The following DTNBP1 variants were observed in gnomAD, a reference collection of about 807,000 sequenced individuals.
DTNBP1 encodes the protein dystrobrevin binding protein 1.
DTNBP1 carries 35 observed loss-of-function variants against 42.8 expected under a neutral mutation model. That is an observed-to-expected ratio of 0.82 (90% confidence interval 0.63 to 1.09). DTNBP1 has a LOEUF of 1.09. Ranked by LOEUF, DTNBP1 falls within the 50% of genes least tolerant of loss-of-function variation. The pLI, the probability that DTNBP1 is intolerant of heterozygous loss-of-function variation, is 0.00. For missense variants in DTNBP1, 457 were observed against 424.2 expected, an observed-to-expected ratio of 1.08 and a Z score of -0.68; for synonymous variants, 171 against 162.2, an observed-to-expected ratio of 1.05 and a Z score of -0.41.
chr6:15,647,949 T>C lies in DTNBP1; in HGVS notation c.161+3364A>G, dbSNP rs1261116855. Among the ~76,000 whole-genome samples, 8 of 152,032 alleles carry C rather than the reference T, an allele frequency of 5.3e-5. No homozygotes were observed. In the East Asian group the frequency reaches 1.5e-3, roughly 29 times the overall value. On this transcript the variant is annotated intron_variant, in intron 3 of 9. Transcript: ENST00000344537. The stretch of plus-strand genomic sequence containing the variant: ...TACCCTGATACCAAAGCCAAAGGCA[T>C]ACAAGAAAAGGAAACTACAGACCAA...
rs771203317 is a variant in DTNBP1 at position 15,615,323 on chromosome 6, T to C, written c.432A>G (p.Leu144=). The stretch of plus-strand genomic sequence containing the variant: ...GGGACTGCATATGTTTGCATCTTTC[T>C]AATTCACACTGCCCACATAAGTCTT... ...HLEDLCGQCE[L]ERCKHMQSQQ... is the part of the protein sequence containing the mutation. The change falls in exon 6 of 10, where the codon TTA becomes TTG. Residue 144 remains leucine, a synonymous_variant. Coordinates refer to ENST00000344537, the MANE Select transcript of DTNBP1 (RefSeq NM_032122.5). 2.5e-6 allele frequency: 4 copies of C among 1,614,166 alleles called. No individual in the cohort carries two copies. The highest frequency in any genetic ancestry group is 1.6e-4 in the Middle Eastern group (1 of 6,062).
intron 1 of DTNBP1, among the ~76,000 whole-genome samples, chr6:15,662,447 T>A (rs1446662498): frequency 1.3e-5 from 2 of 152,188 alleles, no homozygotes; most frequent in Non-Finnish European, 2.9e-5. Context: ...CGCAGGCCAC[T>A]GTGCCGCGGG....
intron 6 of DTNBP1, among the ~76,000 whole-genome samples, chr6:15,614,148 A>T (rs1758586461): frequency 6.6e-6 from 1 of 152,092 alleles, no homozygotes; most frequent in South Asian, 2.1e-4. Flanking sequence ...ACTCATTTCT[A>T]TTCATTTCTG....
intron 6 of DTNBP1, 33 bp downstream of exon 6, chr6:15,615,234 G>A: frequency 6.2e-7 from 1 of 1,614,072 alleles, no homozygotes; most frequent in East Asian, 2.2e-5. Flanking sequence ...TTCGAGACTG[G>A]AATGAATACT....
chr6:15,603,649 C>T (rs1776816125), intron 6 of DTNBP1, among the ~76,000 whole-genome samples: 1 of 152,268 alleles, frequency 6.6e-6, no homozygotes, highest in Admixed American at 6.5e-5. Flanking sequence ...GTTTGTTATA[C>T]AGTTAATTTA....
intron 7 of DTNBP1, among the ~76,000 whole-genome samples, chr6:15,579,451 T>C (rs1775725209): frequency 6.6e-6 from 1 of 152,258 alleles, no homozygotes; most frequent in Admixed American, 6.5e-5. Context: ...AACAAGTTCC[T>C]GTGTTCTATA....
rs1247145393 is a variant in DTNBP1 at position 15,522,891 on chromosome 6, T to C, written c.*84A>G. On this transcript the variant is annotated 3_prime_UTR_variant, in exon 10 of 10. Transcript: ENST00000344537. ...ATTATGTAAAAATCAAGAACCTCTA[T>C]AAAACAACCTGGCTTTCCAGGTGGA... is the stretch of plus-strand genomic sequence containing the variant. 1 of 1,611,992 alleles carries C rather than the reference T, an allele frequency of 6.2e-7. No homozygotes were observed. Among genetic ancestry groups the C allele is most frequent in the African/African-American group, 1.3e-5 (1 of 74,904 alleles).
intron 6 of DTNBP1, among the ~76,000 whole-genome samples, chr6:15,613,559 G>A (rs1311423447): frequency 1.3e-5 from 2 of 151,634 alleles, no homozygotes; most frequent in African/African-American, 4.8e-5. Flanking sequence ...GTAGAGACAG[G>A]GTTTCACCGT....
In DTNBP1 at chr6:15,540,170, G is replaced by T. The variant is rs1773476027; in HGVS notation, c.512-6775C>A. On this transcript the variant is annotated intron_variant, in intron 7 of 9. Coordinates refer to ENST00000344537, the MANE Select transcript of DTNBP1 (RefSeq NM_032122.5). Reference sequence around the variant, plus strand: ...ACCTTTCAGTACTCTTAATAAATCTGCAAGGAATTTAGAGTGTACTCGTAA... The same window carrying T: ...ACCTTTCAGTACTCTTAATAAATCTTCAAGGAATTTAGAGTGTACTCGTAA... Among the ~76,000 whole-genome samples the T allele has an allele frequency of 2.0e-5, 3 of 152,028 alleles. No homozygotes were observed. In the South Asian group the frequency reaches 6.2e-4, roughly 31 times the overall value.
chr6:15,533,233 C>A lies in DTNBP1; in HGVS notation c.667+7G>T, dbSNP rs534257582. 12 of 1,613,402 alleles carry A rather than the reference C, an allele frequency of 7.4e-6. No homozygotes were observed. The highest frequency in any genetic ancestry group is 9.3e-6 in the Non-Finnish European group (11 of 1,180,028). On this transcript the variant is annotated splice_region_variant and intron_variant, in intron 8 of 9. Coordinates refer to ENST00000344537, the MANE Select transcript of DTNBP1 (RefSeq NM_032122.5). ...TCCCCACACCAGCAGCCCCAGCCCCCACTCGCCTCGCCGCTCTGCAATCTG... is the reference window on the plus strand; with the variant it reads ...TCCCCACACCAGCAGCCCCAGCCCCAACTCGCCTCGCCGCTCTGCAATCTG...
chr6:15,544,758 C>T (rs1773777411), intron 7 of DTNBP1, among the ~76,000 whole-genome samples: 1 of 152,186 alleles, frequency 6.6e-6, no homozygotes, highest in Non-Finnish European at 1.5e-5. Context: ...AAATCCAAAA[C>T]CTGCAACACT....
intron 7 of DTNBP1, among the ~76,000 whole-genome samples, chr6:15,581,443 G>A (rs1459447682): frequency 4.0e-5 from 6 of 149,100 alleles, no homozygotes; most frequent in African/African-American, 1.5e-4. Context: ...CTCTCAAAGC[G>A]CTGGGATTAC....
rs946453991 is a variant in DTNBP1 at position 15,623,213 on chromosome 6, T to C, written c.355+4130A>G. ...AGAAAGGAACCTGGACATCTGATAA[T>C]CTAGTCCATGAAAAACTGACAGAGC... is the stretch of plus-strand genomic sequence containing the variant. On this transcript the variant is annotated intron_variant, in intron 5 of 9. Coordinates refer to ENST00000344537, the MANE Select transcript of DTNBP1 (RefSeq NM_032122.5). Among the ~76,000 whole-genome samples the C allele has an allele frequency of 5.3e-5, 8 of 152,296 alleles. No homozygotes were observed. In the South Asian group the frequency reaches 1.0e-3, roughly 20 times the overall value.
Position 15,587,754 on chromosome 6 carries a change from G to A in DTNBP1, c.511+5305C>T, listed in dbSNP as rs559115078. ...TTCTGAGACAACTGAATATCGATAC[G>A]TAAAAAAATGAAGGTAGACTTTTAA... On this transcript the variant is annotated intron_variant, in intron 7 of 9. Transcript: ENST00000344537. The surrounding 1 kb of genome is among the most constrained non-coding windows in gnomAD (Gnocchi z 4.1). Among the ~76,000 whole-genome samples, 13 of 152,140 alleles carry A rather than the reference G, an allele frequency of 8.5e-5. No homozygotes were observed. The highest frequency in any genetic ancestry group is 1.7e-4 in the African/African-American group (7 of 41,420).
chr6:15,641,847 G>A (rs377419301), intron 3 of DTNBP1, among the ~76,000 whole-genome samples: 11 of 152,298 alleles, frequency 7.2e-5, no homozygotes, highest in East Asian at 3.9e-4. Context: ...CTAAGTGGAA[G>A]AGAGTGCAGC....
intron 4 of DTNBP1, among the ~76,000 whole-genome samples, chr6:15,633,501 C>A (rs1448394628): frequency 6.6e-6 from 1 of 152,176 alleles, no homozygotes; most frequent in South Asian, 2.1e-4. Flanking sequence ...ACTCCAAATG[C>A]GGTAAAAATA....
intron 1 of DTNBP1, among the ~76,000 whole-genome samples, chr6:15,657,411 AATCTGACCAGTGCCTAACAC>A (rs941778147): frequency 2.0e-5 from 3 of 152,106 alleles, no homozygotes; most frequent in African/African-American, 7.2e-5. Flanking sequence ...ACTGCTGTCT[AATCTGACCAGTGCCTAACAC>A]ATCTATTCCC....
At chr6:15,556,784 CTT>C (rs755484456) in intron 7 of DTNBP1, among the ~76,000 whole-genome samples, 4 of 152,160 alleles carry the variant, frequency 2.6e-5, no homozygotes, top group African/African-American at 4.8e-5. Flanking sequence ...CTCTCTCTCT[CTT>C]GCACCCTTTT....
intron 7 of DTNBP1, among the ~76,000 whole-genome samples, chr6:15,549,301 A>T (rs1774068409): frequency 6.6e-6 from 1 of 152,016 alleles, no homozygotes; most frequent in Non-Finnish European, 1.5e-5. Context: ...CCTGGCCAAC[A>T]TGGTGAAACC....
Sources: gnomAD v4.1 joint callset for allele counts (sites outside exome capture counted in the v4.1 genomes callset) on GRCh38, gnomAD v4.1.1 for gene constraint, Gnocchi (gnomAD v3.1) non-coding constraint, MANE v1.5 for transcripts, NCBI Gene and HGNC (gene_info 2026-07-23, HGNC 2026-07-21) for gene names.